NRG3: variants seen among roughly 807,000 people sequenced by gnomAD.
The protein encoded by NRG3 is pro-neuregulin-3, membrane-bound isoform.
In NRG3, 31 loss-of-function variants were observed where a neutral mutation model predicts 66.9. That is an observed-to-expected ratio of 0.46 (90% CI 0.35 to 0.63). The LOEUF (loss-of-function observed/expected upper bound fraction) is 0.63, where lower values mean the gene tolerates loss of function less well. NRG3 is among the 20% of genes least tolerant of loss of function. The pLI, the probability that NRG3 is intolerant of heterozygous loss-of-function variation, is 0.00. For missense variants in NRG3, 910 were observed against 878.9 expected (o/e 1.04, Z -0.45); for synonymous variants, 393 against 359.4 (o/e 1.09, Z -1.06).
At chr10:82,193,589 G>T (rs1165990926) in intron 1 of NRG3, among the ~76,000 whole-genome samples, 1 of 152,204 alleles carries the variant, frequency 6.6e-6, no homozygotes, top group Non-Finnish European at 1.5e-5. Context: ...TAGTTCTGGT[G>T]GAGATGAAAA....
intron 1 of NRG3, among the ~76,000 whole-genome samples, chr10:82,257,272 G>A (rs59793235): frequency 0.017 from 2,608 of 151,990 alleles, 80 homozygotes; most frequent in African/African-American, 0.059. Context: ...AGGAGAATGG[G>A]GAAAAAAAAC....
At chr10:82,866,596 A>C (rs1591773654) in intron 4 of NRG3, among the ~76,000 whole-genome samples, 1 of 152,318 alleles carries the variant, frequency 6.6e-6, no homozygotes, top group East Asian at 1.9e-4. Flanking sequence ...GATAGATGTG[A>C]TGAAAACTCA....
At chr10:82,827,386 A>T (rs116280527) in intron 3 of NRG3, among the ~76,000 whole-genome samples, 1,902 of 152,210 alleles carry the variant, frequency 0.012, 49 homozygotes, top group African/African-American at 0.044. Flanking sequence ...TCTTGCTGAG[A>T]GAGGACCTGC....
Position 82,057,360 on chromosome 10 carries a change from T to TTA in NRG3, c.823+181200_823+181201dup, listed in dbSNP as rs202167191. The stretch of plus-strand genomic sequence containing the variant: ...TTTAAACATGTTACACATGCATGAT[T>TTA]TATAGTCTCTGTGTCATAAGTCCAA... On this transcript the variant is annotated intron_variant, in intron 1 of 8. Transcript: ENST00000372141. 7.3e-3 allele frequency among the ~76,000 whole-genome samples: 1,108 copies of TTA among 152,292 alleles called. 8 individuals carry two copies. Among genetic ancestry groups the TTA allele is most frequent in the Middle Eastern group, 0.027 (8 of 294 alleles).
chr10:82,089,094 C>T (rs1416114860), intron 1 of NRG3, among the ~76,000 whole-genome samples: 2 of 151,812 alleles, frequency 1.3e-5, no homozygotes, highest in Non-Finnish European at 2.9e-5. Context: ...TTTTCAGGGA[C>T]TTATTTCAAA....
intron 3 of NRG3, among the ~76,000 whole-genome samples, chr10:82,780,341 T>G (rs1385469155): frequency 6.6e-6 from 1 of 152,188 alleles, no homozygotes; most frequent in Non-Finnish European, 1.5e-5. Context: ...CCACCCACAG[T>G]GTAAAAGTGT....
intron 1 of NRG3, among the ~76,000 whole-genome samples, chr10:82,223,642 A>AACACACACACACACACAC (rs398014296): frequency 9.4e-5 from 13 of 138,014 alleles, no homozygotes; most frequent in Middle Eastern, 3.9e-3. Flanking sequence ...AACCACCCCA[A>AACACACACACACACACAC]ACACACACAC....
intron 1 of NRG3, among the ~76,000 whole-genome samples, chr10:82,084,008 A>T (rs2065564015): frequency 6.6e-6 from 1 of 151,208 alleles, no homozygotes. Flanking sequence ...CGGGCGGATT[A>T]TCTGAGGTTG....
chr10:82,425,226 T>C (rs2089347363), intron 2 of NRG3, among the ~76,000 whole-genome samples: 3 of 152,142 alleles, frequency 2.0e-5, no homozygotes, highest in Admixed American at 2.0e-4. Flanking sequence ...GCTCATCAAC[T>C]TGGGGACTAT....
chr10:82,213,824 C>A (rs780770796), intron 1 of NRG3, among the ~76,000 whole-genome samples: 2 of 152,076 alleles, frequency 1.3e-5, no homozygotes, highest in Non-Finnish European at 2.9e-5. Flanking sequence ...GTTTTCAAAG[C>A]AAGTTTTTTT....
intron 1 of NRG3, among the ~76,000 whole-genome samples, chr10:81,976,985 C>T (rs1319393655): frequency 6.6e-6 from 1 of 152,108 alleles, no homozygotes; most frequent in African/African-American, 2.4e-5. Context: ...ACTCATAATA[C>T]CAGTTTCTAG....
At chr10:82,112,208 A>G (rs951230747) in intron 1 of NRG3, among the ~76,000 whole-genome samples, 1 of 152,164 alleles carries the variant, frequency 6.6e-6, no homozygotes, top group African/African-American at 2.4e-5. Context: ...ACATCACTAC[A>G]CTCCAGCTTG....
chr10:82,267,475 T>G (rs1225984544), intron 1 of NRG3, among the ~76,000 whole-genome samples: 1 of 152,162 alleles, frequency 6.6e-6, no homozygotes, highest in African/African-American at 2.4e-5. Context: ...GACAGAGCCT[T>G]GAGGTCTTGG....
At chr10:82,347,826 CTTCT>C (rs2083134385) in intron 1 of NRG3, among the ~76,000 whole-genome samples, 1 of 151,906 alleles carries the variant, frequency 6.6e-6, no homozygotes, top group African/African-American at 2.4e-5. Context: ...ATGTAATGGC[CTTCT>C]TTGTCTCTTT....
At chr10:82,311,849 G>T (rs938647788) in intron 1 of NRG3, among the ~76,000 whole-genome samples, 6 of 152,130 alleles carry the variant, frequency 3.9e-5, no homozygotes, top group Admixed American at 6.5e-5. Flanking sequence ...TAGACCTGAC[G>T]TTCATTTCCT....
At chr10:82,349,355 G>A (rs1438322311) in intron 1 of NRG3, among the ~76,000 whole-genome samples, 3 of 151,740 alleles carry the variant, frequency 2.0e-5, no homozygotes, top group Non-Finnish European at 2.9e-5. Flanking sequence ...CTGCTGGGGG[G>A]TGCCTCCCAG....
At chr10:82,018,420 T>C (rs1239444963) in intron 1 of NRG3, among the ~76,000 whole-genome samples, 3 of 152,204 alleles carry the variant, frequency 2.0e-5, no homozygotes, top group Non-Finnish European at 4.4e-5. Context: ...CGATGCGTGC[T>C]CTTTTTTGGT....
chr10:82,863,545 G>T (rs577756020), intron 3 of NRG3, among the ~76,000 whole-genome samples: 1 of 152,058 alleles, frequency 6.6e-6, no homozygotes, highest in Non-Finnish European at 1.5e-5. Flanking sequence ...TTTAATGATC[G>T]CCATCCTAAC....
At chr10:82,792,976 G>A (rs921542238) in intron 3 of NRG3, among the ~76,000 whole-genome samples, 3 of 151,750 alleles carry the variant, frequency 2.0e-5, no homozygotes, top group Admixed American at 1.3e-4. Flanking sequence ...CCACCACAGA[G>A]GTTTTTTGTT....
Sources: gnomAD v4.1 joint callset for allele counts (sites outside exome capture counted in the v4.1 genomes callset) on GRCh38, gnomAD v4.1.1 for gene constraint, MANE v1.5 for transcripts, NCBI Gene and HGNC (gene_info 2026-07-23, HGNC 2026-07-21) for gene names.